The following IRAG2 variants were observed in gnomAD, a reference collection of about 807,000 sequenced individuals.
IRAG2 encodes inositol 1,4,5-triphosphate receptor associated 2, also known as lymphoid restricted membrane protein.
A neutral mutation model predicts 69.9 loss-of-function variants in IRAG2; 45 were observed. The observed-to-expected ratio is 0.64, with a 90% CI of 0.51 to 0.83. The LOEUF is 0.83. Among genes scored for constraint, IRAG2 ranks in the 40% least tolerant of loss-of-function variants. IRAG2 has a pLI of 0.00. For synonymous variants in IRAG2, 193 were observed against 202.4 expected (o/e 0.95, Z 0.40); for missense variants, 520 against 587.0 (o/e 0.89, Z 1.18).
At chr12:25,006,600 T>A (rs1447528631) in intron 2 of IRAG2, among the ~76,000 whole-genome samples, 1 of 152,172 alleles carries the variant, frequency 6.6e-6, no homozygotes, top group Non-Finnish European at 1.5e-5. Flanking sequence ...GAGGCTATTA[T>A]CCTAAGCGAA....
At chr12:25,104,233 C>A (rs1226695389) in intron 19 of IRAG2, 128 bp from the exon 20 acceptor site, 25 of 802,286 alleles carry the variant, frequency 3.1e-5, no homozygotes, top group Non-Finnish European at 4.3e-5. Context: ...AGTAGGAGAT[C>A]TGTGAATGTG....
chr12:25,015,334 CTT>C, intron 4 of IRAG2: 1 of 1,231,346 alleles, frequency 8.1e-7, no homozygotes, highest in Non-Finnish European at 1.0e-6. Flanking sequence ...TCATAAAACT[CTT>C]GTATGTGTTT....
chr12:25,020,820 G>A, exon 7 of IRAG2: 1 of 1,231,908 alleles, frequency 8.1e-7, no homozygotes, highest in Non-Finnish European at 1.0e-6. Context: ...GAACAAATCT[G>A]TTAAAAGAAG....
intron 10 of IRAG2, among the ~76,000 whole-genome samples, chr12:25,084,263 GAC>G (rs1174662582): frequency 6.6e-6 from 1 of 152,086 alleles, no homozygotes; most frequent in Non-Finnish European, 1.5e-5. Flanking sequence ...GGTGGTGCTT[GAC>G]TGTTGTCTCA....
At chr12:25,049,404 T>A (rs1473014897), upstream of IRAG2, among the ~76,000 whole-genome samples, 1 of 152,200 alleles carries the variant, frequency 6.6e-6, no homozygotes, top group Non-Finnish European at 1.5e-5. Context: ...TTTGTTTGTG[T>A]CCTCTCTGAT....
At chr12:25,091,428 T>C (rs909997718) in intron 14 of IRAG2, among the ~76,000 whole-genome samples, 3 of 152,238 alleles carry the variant, frequency 2.0e-5, no homozygotes, top group Admixed American at 6.5e-5. Context: ...TGTGAGCGGA[T>C]TGCCTTCTTT....
chr12:25,018,755 A>G (rs1362826762), intron 6 of IRAG2, among the ~76,000 whole-genome samples: 1 of 152,244 alleles, frequency 6.6e-6, no homozygotes, highest in Non-Finnish European at 1.5e-5. Context: ...GTCAAGAAAT[A>G]TATCAGAAAG....
At chr12:25,062,598 G>A (rs574960969) in intron 2 of IRAG2, among the ~76,000 whole-genome samples, 2 of 152,292 alleles carry the variant, frequency 1.3e-5, no homozygotes, top group South Asian at 4.1e-4. Context: ...TCAGTTTCTT[G>A]TTCCCGATCT....
rs189091745 is a variant in IRAG2 at position 25,108,015 on chromosome 12, G to T, written c.1455G>T (p.Leu485Phe). The T allele has an allele frequency of 6.2e-7, 1 of 1,614,086 alleles. No individual in the cohort carries two copies. Among genetic ancestry groups the T allele is most frequent in the South Asian group, 1.1e-5 (1 of 91,034 alleles). ...EDSWTSLEHILWPFTRLRHNG... is the reference protein window; with the variant it reads ...EDSWTSLEHIFWPFTRLRHNG... ...CATGGACGTCTCTAGAACATATCTT[G>T]TGGCCATTTACCAGACTCCGACACA... is the stretch of plus-strand genomic sequence containing the variant. The change falls in exon 22 of 22, where the codon TTG becomes TTT. Residue 485 changes from leucine to phenylalanine, a missense_variant. Coordinates refer to ENST00000556887, the MANE Select transcript of IRAG2 (RefSeq NM_001366544.2).
intron 15 of IRAG2, 47 bp downstream of exon 15, chr12:25,097,091 T>C (rs368269304): frequency 1.9e-5 from 29 of 1,544,320 alleles, no homozygotes; most frequent in Non-Finnish European, 2.4e-5. Context: ...ACAAAAAAGA[T>C]TCACTTTTCC....
chr12:25,003,201 TAAAA>T (rs140645138), upstream of IRAG2, among the ~76,000 whole-genome samples: 1 of 151,996 alleles, frequency 6.6e-6, no homozygotes, highest in Non-Finnish European at 1.5e-5. Flanking sequence ...ATTAGGGGAT[TAAAA>T]AAAAGATTCA....
chr12:25,037,995 G>A (rs893703874), exon 16 of IRAG2: 7 of 398,762 alleles, frequency 1.8e-5, no homozygotes, highest in South Asian at 1.3e-4. Context: ...TATCATGGAA[G>A]AGAAGCTAGA....
At chr12:25,044,842 A>G (rs999140137) in intron 16 of IRAG2, among the ~76,000 whole-genome samples, 2 of 152,184 alleles carry the variant, frequency 1.3e-5, no homozygotes. Flanking sequence ...TTCATGTTCA[A>G]TAATGGATAG....
chr12:25,001,507 GT>G (rs1427268161), upstream of IRAG2, among the ~76,000 whole-genome samples: 9 of 152,232 alleles, frequency 5.9e-5, no homozygotes, highest in East Asian at 1.7e-3. Context: ...GGAAATGCAA[GT>G]AGAAACATGT....
chr12:25,076,585 T>C, intron 6 of IRAG2: 1 of 982,686 alleles, frequency 1.0e-6, no homozygotes, highest in Non-Finnish European at 1.2e-6. Context: ...GAATAGAAAA[T>C]AAGAACTGCA....
chr12:25,037,359 C>A (rs551321766), intron 15 of IRAG2, among the ~76,000 whole-genome samples: 19 of 152,074 alleles, frequency 1.2e-4, no homozygotes, highest in Non-Finnish European at 2.2e-4. Context: ...AGGGCAGTGG[C>A]GTGATCTTAG....
chr12:25,075,009 T>C (rs897401071), intron 6 of IRAG2, among the ~76,000 whole-genome samples: 2 of 152,186 alleles, frequency 1.3e-5, no homozygotes, highest in African/African-American at 4.8e-5. Context: ...AATTGGAACA[T>C]GTAGAAGTTG....
intron 6 of IRAG2, among the ~76,000 whole-genome samples, chr12:25,073,314 G>A (rs1946452496): frequency 6.6e-6 from 1 of 152,224 alleles, no homozygotes; most frequent in African/African-American, 2.4e-5. Flanking sequence ...CAATGCGCAT[G>A]TAGCACCCTG....
At chr12:25,017,610 C>T (rs1396202004) in intron 6 of IRAG2, among the ~76,000 whole-genome samples, 1 of 151,978 alleles carries the variant, frequency 6.6e-6, no homozygotes, top group Non-Finnish European at 1.5e-5. Flanking sequence ...TCCAGCTATT[C>T]TGCAGGCTGA....
Sources: gnomAD v4.1 joint callset for allele counts (sites outside exome capture counted in the v4.1 genomes callset) on GRCh38, gnomAD v4.1.1 for gene constraint, MANE v1.5 for transcripts, NCBI Gene and HGNC (gene_info 2026-07-23, HGNC 2026-07-21) for gene names.